The following GABRG3 variants were observed in gnomAD, a reference collection of about 807,000 sequenced individuals.
GABRG3 encodes gamma-aminobutyric acid type A receptor subunit gamma3, also known as gamma-aminobutyric acid receptor subunit gamma-3.
A neutral mutation model predicts 48.8 loss-of-function variants in GABRG3; 25 were observed. The ratio of observed to expected loss-of-function variants is 0.51; its 90% confidence interval spans 0.37 to 0.72. The LOEUF is 0.72. Among genes scored for constraint, GABRG3 ranks in the 30% least tolerant of loss-of-function variants. GABRG3 has a pLI of 0.00. For missense variants in GABRG3, 394 were observed against 577.9 expected, an observed-to-expected ratio of 0.68 and a Z score of 3.26; for synonymous variants, 227 against 217.6, an observed-to-expected ratio of 1.04 and a Z score of -0.38.
Position 27,072,171 on chromosome 15 carries a change from C to T in GABRG3, c.270+45350C>T, listed in dbSNP as rs140917611. ...AAGGTCCTGAAGGCTGCCAGCTCTC[C>T]TTGTGAGTCTTCTCATGGTCTGAAA... On this transcript the variant is annotated intron_variant, in intron 3 of 9. Transcript: ENST00000615808. Among the ~76,000 whole-genome samples, 1,126 of 152,296 alleles carry T rather than the reference C, an allele frequency of 7.4e-3. 10 individuals carry two copies. The highest frequency in any genetic ancestry group is 0.026 in the African/African-American group (1,063 of 41,576).
Position 27,236,790 on chromosome 15 carries a change from A to T in GABRG3, c.271-90019A>T, listed in dbSNP as rs761528846. ...ATGCGAACACTGCCATTTTTTTAAC[A>T]TGGGTCCCATGAAGAGGCATGAAGC... On this transcript the variant is annotated intron_variant, in intron 3 of 9. Coordinates refer to ENST00000615808, the MANE Select transcript of GABRG3 (RefSeq NM_033223.5). The surrounding 1 kb of genome is among the most constrained non-coding windows in gnomAD (Gnocchi z 4.4). Among the ~76,000 whole-genome samples, 1 of 152,174 alleles carries T rather than the reference A, an allele frequency of 6.6e-6. No individual in the cohort carries two copies. The highest frequency in any genetic ancestry group is 6.5e-5 in the Admixed American group (1 of 15,282).
At chr15:27,511,972 G>T (rs1425449311) in intron 6 of GABRG3, among the ~76,000 whole-genome samples, 1 of 152,216 alleles carries the variant, frequency 6.6e-6, no homozygotes, top group Non-Finnish European at 1.5e-5. Flanking sequence ...GATCAAGTGT[G>T]TGGGGGACAG....
At chr15:27,495,948 T>G (rs1326228041) in intron 6 of GABRG3, among the ~76,000 whole-genome samples, 1 of 152,228 alleles carries the variant, frequency 6.6e-6, no homozygotes, top group African/African-American at 2.4e-5. Context: ...ATGAAGCCTC[T>G]TTTGACACTG....
At chr15:27,155,041 T>G (rs1030909833) in intron 3 of GABRG3, among the ~76,000 whole-genome samples, 2 of 152,160 alleles carry the variant, frequency 1.3e-5, no homozygotes, top group African/African-American at 4.8e-5. Flanking sequence ...ATCTTTTGTC[T>G]GACTGGTCTC....
chr15:27,283,529 G>A (rs569576485), intron 3 of GABRG3, among the ~76,000 whole-genome samples: 64 of 152,248 alleles, frequency 4.2e-4, no homozygotes, highest in Non-Finnish European at 7.5e-4. Flanking sequence ...ACTTGAACCC[G>A]GGAGGCCGCA....
At chr15:27,111,942 G>T (rs944265510) in intron 3 of GABRG3, among the ~76,000 whole-genome samples, 9 of 134,400 alleles carry the variant, frequency 6.7e-5, no homozygotes, top group Middle Eastern at 3.8e-3. Flanking sequence ...AAGGTTCTAT[G>T]AATGTTTTAC....
chr15:27,208,554 G>T, intron 3 of GABRG3: 1 of 184,444 alleles, frequency 5.4e-6, no homozygotes. Flanking sequence ...TTGCAGGGCT[G>T]GCTTGGGAGG....
intron 5 of GABRG3, among the ~76,000 whole-genome samples, chr15:27,468,316 G>T (rs1889678857): frequency 6.6e-6 from 1 of 152,216 alleles, no homozygotes; most frequent in Non-Finnish European, 1.5e-5. Flanking sequence ...TAACCAAGTG[G>T]TGGAATATTC....
chr15:27,329,098 CTG>C (rs1222403280), intron 5 of GABRG3, among the ~76,000 whole-genome samples: 1 of 152,184 alleles, frequency 6.6e-6, no homozygotes, highest in Non-Finnish European at 1.5e-5. Context: ...CTCGATAAGG[CTG>C]TGAGCAACTT....
intron 3 of GABRG3, among the ~76,000 whole-genome samples, chr15:27,286,995 C>T (rs371612688): frequency 4.6e-5 from 7 of 152,244 alleles, no homozygotes; most frequent in South Asian, 2.1e-4. Flanking sequence ...CTGTATGCTG[C>T]GGTTGTTAAG....
At position 27,352,598 on chromosome 15, in the gene GABRG3, G is replaced by A. The variant is rs1323573917; in HGVS notation, c.574+23710G>A. Among the ~76,000 whole-genome samples, 1 of 152,080 alleles carries A rather than the reference G, an allele frequency of 6.6e-6. No homozygotes were observed. The highest frequency in any genetic ancestry group is 2.4e-5 in the African/African-American group (1 of 41,396). ...TTTCTGTCCGACCTGTGGGACAGGC[G>A]CTCACACCACCCCACACTGCCCCGG... is the stretch of plus-strand genomic sequence containing the variant. On this transcript the variant is annotated intron_variant, in intron 5 of 9. Transcript: ENST00000615808. This position sits in a 1 kb window ranked among gnomAD's most constrained non-coding sequence, Gnocchi z 4.0.
At chr15:27,308,688 A>C (rs562422494) in intron 3 of GABRG3, among the ~76,000 whole-genome samples, 28 of 149,896 alleles carry the variant, frequency 1.9e-4, no homozygotes, top group African/African-American at 6.3e-4. Flanking sequence ...CTTATGTATA[A>C]ACATATAATG....
At chr15:27,351,679 T>A (rs893175591) in intron 5 of GABRG3, among the ~76,000 whole-genome samples, 1 of 150,338 alleles carries the variant, frequency 6.7e-6, no homozygotes, top group Non-Finnish European at 1.5e-5. Flanking sequence ...TGTGTGTGTT[T>A]GTGTGTATGG....
At chr15:27,310,879 T>C (rs1892970624) in intron 3 of GABRG3, among the ~76,000 whole-genome samples, 1 of 152,070 alleles carries the variant, frequency 6.6e-6, no homozygotes. Context: ...GGAAACATAG[T>C]CCTGTGAATG....
rs1332450418 is a variant in GABRG3 at position 27,352,634 on chromosome 15, C to T, written c.574+23746C>T. Among the ~76,000 whole-genome samples, 1 of 152,056 alleles carries T rather than the reference C, an allele frequency of 6.6e-6. No individual in the cohort carries two copies. The highest frequency in any genetic ancestry group is 6.5e-5 in the Admixed American group (1 of 15,282). On this transcript the variant is annotated intron_variant, in intron 5 of 9. Coordinates refer to ENST00000615808, the MANE Select transcript of GABRG3 (RefSeq NM_033223.5). The surrounding 1 kb of genome is among the most constrained non-coding windows in gnomAD (Gnocchi z 4.0). ...CCCACACTGCCCCGGGGAGGCAGGC[C>T]AAGGAAGCCCCCTGCCAAGGCAGCA...
At chr15:27,187,278 T>C (rs544078288) in intron 3 of GABRG3, among the ~76,000 whole-genome samples, 5 of 152,282 alleles carry the variant, frequency 3.3e-5, no homozygotes, top group Admixed American at 1.3e-4. Context: ...GTTCTATGGG[T>C]CTATGAGTCT....
Position 27,329,975 on chromosome 15 carries a change from C to T in GABRG3, c.574+1087C>T, listed in dbSNP as rs111562472. The stretch of plus-strand genomic sequence containing the variant: ...TTGCATATGGGGCTGGGCGTGGTGG[C>T]TCACGCCTGTAATCCCAGCACTTTG... On this transcript the variant is annotated intron_variant, in intron 5 of 9. Coordinates refer to ENST00000615808, the MANE Select transcript of GABRG3 (RefSeq NM_033223.5). Among the ~76,000 whole-genome samples the T allele has an allele frequency of 8.4e-3, 1,281 of 152,294 alleles. 20 individuals carry two copies. Among genetic ancestry groups the T allele is most frequent in the African/African-American group, 0.029 (1,221 of 41,566 alleles).
At chr15:27,177,933 A>C (rs1887797840) in intron 3 of GABRG3, among the ~76,000 whole-genome samples, 1 of 152,214 alleles carries the variant, frequency 6.6e-6, no homozygotes, top group East Asian at 1.9e-4. Context: ...CTAAGAAGAA[A>C]CATCAAGGGG....
intron 2 of GABRG3, among the ~76,000 whole-genome samples, chr15:27,014,974 T>C (rs1895751878): frequency 6.6e-6 from 1 of 152,220 alleles, no homozygotes; most frequent in African/African-American, 2.4e-5. Flanking sequence ...ATACTTATGG[T>C]TGTTATGTCT....
Sources: gnomAD v4.1 joint callset for allele counts (sites outside exome capture counted in the v4.1 genomes callset) on GRCh38, gnomAD v4.1.1 for gene constraint, Gnocchi (gnomAD v3.1) non-coding constraint, MANE v1.5 for transcripts, NCBI Gene and HGNC (gene_info 2026-07-23, HGNC 2026-07-21) for gene names.